The following COL6A3 variants were observed in gnomAD, a reference collection of about 807,000 sequenced individuals.
The protein encoded by COL6A3 is collagen type VI alpha 3 chain, also known as collagen alpha-3(VI) chain.
Under a neutral mutation model 274.1 loss-of-function variants are expected in COL6A3, and 137 were observed. The observed-to-expected ratio is 0.50, with a 90% CI of 0.44 to 0.58. The LOEUF (loss-of-function observed/expected upper bound fraction) is 0.58, where lower values mean the gene tolerates loss of function less well. Among genes scored for constraint, COL6A3 ranks in the 20% least tolerant of loss-of-function variants. COL6A3 has a pLI of 0.00. For synonymous variants in COL6A3, 1,650 were observed against 1,650.6 expected (o/e 1.00, Z 0.01); for missense variants, 3,950 against 4,124.9 (o/e 0.96, Z 1.16).
chr2:237,372,633 C>T lies in COL6A3; in HGVS notation c.3680-296G>A, dbSNP rs935366506. ...CTGCATCAGGTGCTGCTCAGGGACC[C>T]GAGGGTCAGCCACTGGGCTTCGCCA... On this transcript the variant is annotated intron_variant, in intron 8 of 43. Coordinates refer to ENST00000295550, the MANE Select transcript of COL6A3 (RefSeq NM_004369.4). Among the ~76,000 whole-genome samples the T allele has an allele frequency of 8.5e-5, 13 of 152,160 alleles. No individual in the cohort carries two copies. The South Asian group carries it at 1.2e-3, about 15-fold the overall frequency.
chr2:237,396,604 A>G (rs1025532588), intron 2 of COL6A3, 123 bp downstream of exon 2: 4 of 965,138 alleles, frequency 4.1e-6, no homozygotes, highest in Admixed American at 3.5e-5. Context: ...TGACTATCCT[A>G]TAATAAATGG....
At position 237,395,157 on chromosome 2, in the gene COL6A3, A is replaced by G. The variant is rs751569819; in HGVS notation, c.139T>C (p.Ser47Pro). 6.2e-7 allele frequency: 1 copy of G among 1,613,922 alleles called. No homozygotes were observed. The highest frequency in any genetic ancestry group is 8.5e-7 in the Non-Finnish European group (1 of 1,180,008). ...AAATGTTCCTCTCCAATGGTCCAAG[A>G]GGAATCCACTAGAAATATTATATCA... The part of the protein sequence containing the change: ...AADIIFLVDS[S>P]WTIGEEHFQL... The change falls in exon 3 of 44, where the codon TCT (serine) becomes CCT (proline). Residue 47 changes from serine to proline, a missense_variant. Ser to Pro is a moderately conservative substitution (Grantham distance 74). Coordinates refer to ENST00000295550, the MANE Select transcript of COL6A3 (RefSeq NM_004369.4).
In COL6A3 at chr2:237,380,945, G is replaced by A. The variant is rs372022185; in HGVS notation, c.1867C>T (p.Pro623Ser). Reference sequence around the variant, plus strand: ...GGGGTTCCAGAGAGGGTCCTGAGAGGTGCCAGCAAGCCAGGCAGCATGCCT... The same window carrying A: ...GGGGTTCCAGAGAGGGTCCTGAGAGATGCCAGCAAGCCAGGCAGCATGCCT... ...LQGMLPGLLA[P>S]LRTLSGTPEV... Residue 623 changes from proline to serine, a missense_variant, in exon 5 of 44, where the codon CCT (proline) becomes TCT (serine). Physicochemically the swap from Pro to Ser is moderately conservative, Grantham distance 74. This residue lies in a region of COL6A3 where 1,934 missense variants were observed against 1,984.3 expected (regional missense o/e 0.97). Transcript: ENST00000295550. 2.9e-4 allele frequency: 465 copies of A among 1,613,982 alleles called. No homozygotes were observed. Among genetic ancestry groups the A allele is most frequent in the Non-Finnish European group, 3.7e-4 (439 of 1,180,028 alleles).
intron 28 of COL6A3, among the ~76,000 whole-genome samples, chr2:237,349,174 G>C (rs73999309): frequency 0.02 from 2,874 of 146,234 alleles, 93 homozygotes; most frequent in African/African-American, 0.069. Context: ...AGCATGCTCA[G>C]ATCTGTTCCT....
At chr2:237,354,835 C>A in intron 24 of COL6A3, 64 bp downstream of exon 24, 1 of 1,434,460 alleles carries the variant, frequency 7.0e-7, no homozygotes. Context: ...GTTTTTCACT[C>A]CTGGGCTGGG....
chr2:237,400,997 C>A (rs1016908502), intron 1 of COL6A3, among the ~76,000 whole-genome samples: 11 of 152,164 alleles, frequency 7.2e-5, no homozygotes, highest in South Asian at 6.2e-4. Context: ...AAGCTTGAGA[C>A]CTCACACTTA....
chr2:237,369,187 A>G lies in COL6A3; in HGVS notation c.4286-10T>C, dbSNP rs755772413. 6.2e-7 allele frequency: 1 copy of G among 1,606,698 alleles called. No individual in the cohort carries two copies. ...GCATCACTCTCAACTGCTGCAGATC[A>G]AAGAAGAAAAAGGGAAACATTCAGT... On this transcript the variant is annotated splice_polypyrimidine_tract_variant and intron_variant, in intron 9 of 43. Transcript: ENST00000295550.
At position 237,368,694 on chromosome 2, in the gene COL6A3, G is replaced by C. The variant is rs2077611739; in HGVS notation, c.4769C>G (p.Pro1590Arg). Residue 1590 changes from proline to arginine, a missense_variant, in exon 10 of 44, where the codon CCC becomes CGC. Pro to Arg is a moderately radical substitution (Grantham distance 103, BLOSUM62 -2). Transcript: ENST00000295550. This position sits in a 1 kb window ranked among gnomAD's most constrained non-coding sequence, Gnocchi z 4.4. ...RTELQTITND[P>R]RLVFTVREFR... Reference sequence around the variant, plus strand: ...CTCTCGCACTGTGAAGACCAGTCTGGGGTCATTGGTGATGGTCTGCAGCTC... The same window carrying C: ...CTCTCGCACTGTGAAGACCAGTCTGCGGTCATTGGTGATGGTCTGCAGCTC... 6.2e-7 allele frequency: 1 copy of C among 1,614,050 alleles called. No individual in the cohort carries two copies. The highest frequency in any genetic ancestry group is 8.5e-7 in the Non-Finnish European group (1 of 1,180,016).
chr2:237,325,382 T>C (rs1054051918), intron 43 of COL6A3, among the ~76,000 whole-genome samples, 178 bp downstream of exon 43: 2 of 152,204 alleles, frequency 1.3e-5, no homozygotes, highest in African/African-American at 2.4e-5. Flanking sequence ...AAACCCAAAA[T>C]AGGAATTCAA....
At chr2:237,336,822 C>T (rs1015643384) in intron 39 of COL6A3, among the ~76,000 whole-genome samples, 8 of 152,030 alleles carry the variant, frequency 5.3e-5, no homozygotes, top group Admixed American at 2.6e-4. Flanking sequence ...AAATAAGAGA[C>T]AATAATGAAT....
At chr2:237,363,060 G>T (rs1436322031) in intron 14 of COL6A3, among the ~76,000 whole-genome samples, 193 bp downstream of exon 14, 3 of 152,020 alleles carry the variant, frequency 2.0e-5, no homozygotes, top group African/African-American at 4.8e-5. Flanking sequence ...CCAGCGATTT[G>T]CTATCTCCAT....
chr2:237,325,546 G>A lies in COL6A3; in HGVS notation c.9493+14C>T. Reference sequence around the variant, plus strand: ...TATTTGCAGAAGCCATAAACACAAGGAAGAATCACTTACCAGGAGCGCAAA... The same window carrying A: ...TATTTGCAGAAGCCATAAACACAAGAAAGAATCACTTACCAGGAGCGCAAA... On this transcript the variant is annotated intron_variant, in intron 43 of 43. Transcript: ENST00000295550. The A allele has an allele frequency of 6.2e-7, 1 of 1,614,044 alleles. No individual in the cohort carries two copies. Among genetic ancestry groups the A allele is most frequent in the Admixed American group, 1.7e-5 (1 of 60,034 alleles).
chr2:237,336,804 C>T (rs1303062934), intron 39 of COL6A3, among the ~76,000 whole-genome samples: 1 of 151,990 alleles, frequency 6.6e-6, no homozygotes, highest in Non-Finnish European at 1.5e-5. Flanking sequence ...AAAATAAAGG[C>T]AGAGAGAAAA....
intron 3 of COL6A3, 110 bp downstream of exon 3, chr2:237,394,477 C>G: frequency 5.0e-6 from 7 of 1,399,080 alleles, no homozygotes; most frequent in Non-Finnish European, 6.0e-6. Flanking sequence ...GAACACTCAT[C>G]TCTTCCCTGG....
chr2:237,349,252 C>T (rs76134397), intron 28 of COL6A3, among the ~76,000 whole-genome samples: 5,301 of 152,104 alleles, frequency 0.035, 320 homozygotes, highest in African/African-American at 0.12. Flanking sequence ...ATCAGAAGAA[C>T]GTGTGTGAAT....
At chr2:237,335,949 G>A (rs1700520326) in intron 40 of COL6A3, among the ~76,000 whole-genome samples, 186 bp downstream of exon 40, 1 of 152,192 alleles carries the variant, frequency 6.6e-6, no homozygotes, top group Admixed American at 6.5e-5. Context: ...ACAGGATTGA[G>A]GGCACAGGAT....
intron 28 of COL6A3, among the ~76,000 whole-genome samples, chr2:237,349,117 T>A (rs2077154137): frequency 6.6e-6 from 1 of 151,494 alleles, no homozygotes; most frequent in Non-Finnish European, 1.5e-5. Context: ...CTTCCCTTCC[T>A]TCCAAGTCAT....
Position 237,372,038 on chromosome 2 carries a change from G to T in COL6A3, c.3979C>A (p.Pro1327Thr), listed in dbSNP as rs144871366. Residue 1327 changes from proline (P) to threonine (T), a missense_variant, in exon 9 of 44, where the codon CCC becomes ACC. By Grantham distance (38) the Pro-to-Thr change is conservative. This residue lies in a region of COL6A3 where 1,934 missense variants were observed against 1,984.3 expected (regional missense o/e 0.97). Coordinates refer to ENST00000295550, the MANE Select transcript of COL6A3 (RefSeq NM_004369.4). ...EYVSRNIFKRPLGSRIEEGVP... is the reference protein window; with the variant it reads ...EYVSRNIFKRTLGSRIEEGVP... ...CCCTCTTCAATGCGGCTCCCCAGGG[G>T]CCTCTTGAAGATGTTCCTGGACACG... The T allele has an allele frequency of 6.2e-7, 1 of 1,613,898 alleles. No homozygotes were observed. Among genetic ancestry groups the T allele is most frequent in the African/African-American group, 1.3e-5 (1 of 74,940 alleles).
intron 24 of COL6A3, among the ~76,000 whole-genome samples, chr2:237,353,904 A>G (rs1233054451): frequency 2.6e-5 from 4 of 152,232 alleles, no homozygotes; most frequent in South Asian, 2.1e-4. Flanking sequence ...AAAGAAAAAT[A>G]AATCTCAGAA....
Sources: allele counts gnomAD v4.1 joint callset (sites outside exome capture counted in the v4.1 genomes callset), GRCh38; gene constraint gnomAD v4.1.1; regional missense constraint gnomAD v4.1.1; non-coding constraint Gnocchi (gnomAD v3.1); transcripts MANE v1.5; gene names NCBI Gene and HGNC (gene_info 2026-07-23, HGNC 2026-07-21).